ITCH: variants seen among roughly 807,000 people sequenced by gnomAD.
The protein encoded by ITCH is itchy E3 ubiquitin protein ligase.
In ITCH, 28 loss-of-function variants were observed where a neutral mutation model predicts 126.8. The observed-to-expected ratio is 0.22, with a 90% confidence interval of 0.16 to 0.30. The LOEUF is 0.30. Among genes scored for constraint, ITCH ranks in the 10% least tolerant of loss-of-function variants. The pLI is 1.00. For synonymous variants in ITCH, 342 were observed against 340.0 expected (o/e 1.01, Z -0.06); for missense variants, 631 against 1,032.4 (o/e 0.61, Z 5.33).
At chr20:34,409,924 G>A (rs1045796487) in intron 4 of ITCH, among the ~76,000 whole-genome samples, 3 of 152,008 alleles carry the variant, frequency 2.0e-5, no homozygotes, top group Non-Finnish European at 2.9e-5. Context: ...CAACTCTTTG[G>A]GAGACTGAGC....
In ITCH at chr20:34,507,824, A is replaced by G; in HGVS notation, c.*30A>G. 1 of 1,516,648 alleles carries G rather than the reference A, an allele frequency of 6.6e-7. No individual in the cohort carries two copies. The highest frequency in any genetic ancestry group is 1.4e-5 in the African/African-American group (1 of 73,098). The allele number at this position is 1,516,648 out of a possible 1,614,324, so 93.9% of individuals were successfully genotyped here. On this transcript the variant is annotated 3_prime_UTR_variant, in exon 25 of 25. Coordinates refer to ENST00000374864, the MANE Select transcript of ITCH (RefSeq NM_031483.7). ...TGAGAACTTGCACCATGAATGGGCA[A>G]GAACTTATTTGCAATGTTTGTCCTT...
intron 20 of ITCH, among the ~76,000 whole-genome samples, chr20:34,485,871 T>G (rs1299192489): frequency 1.3e-5 from 2 of 152,328 alleles, no homozygotes; most frequent in East Asian, 3.9e-4. Context: ...TTTTTATTTT[T>G]GTAGAGATGT....
intron 23 of ITCH, among the ~76,000 whole-genome samples, chr20:34,498,333 A>T (rs1450432461): frequency 1.3e-5 from 2 of 152,212 alleles, no homozygotes. Flanking sequence ...TCTTTCTCTT[A>T]TCTAATTGCT....
chr20:34,395,232 CAAAA>C (rs75300869), intron 3 of ITCH, among the ~76,000 whole-genome samples: 4 of 76,922 alleles, frequency 5.2e-5, no homozygotes, highest in East Asian at 3.7e-4. Flanking sequence ...GACTCCATCT[CAAAA>C]AAAAAAAAAA....
intron 20 of ITCH, among the ~76,000 whole-genome samples, chr20:34,483,715 C>G (rs1249931208): frequency 1.3e-5 from 2 of 152,288 alleles, no homozygotes; most frequent in African/African-American, 4.8e-5. Context: ...CCAAACTGTT[C>G]CAACGTCTGC....
At chr20:34,500,222 A>G (rs1010792384) in intron 23 of ITCH, among the ~76,000 whole-genome samples, 2 of 152,176 alleles carry the variant, frequency 1.3e-5, no homozygotes, top group East Asian at 1.9e-4. Context: ...TTTAAATCCA[A>G]TGTTTCTTTG....
At chr20:34,476,008 T>C (rs920841958) in intron 16 of ITCH, 12 of 1,599,050 alleles carry the variant, frequency 7.5e-6, no homozygotes, top group African/African-American at 1.3e-5. Flanking sequence ...CCATAGATTT[T>C]GTCAAACAGA....
At chr20:34,371,649 A>G (rs1276181411) in intron 2 of ITCH, among the ~76,000 whole-genome samples, 1 of 152,118 alleles carries the variant, frequency 6.6e-6, no homozygotes, top group African/African-American at 2.4e-5. Context: ...GCTACTATAA[A>G]GCAATTTAAA....
intron 3 of ITCH, among the ~76,000 whole-genome samples, chr20:34,401,283 TTTTC>T (rs1367632958): frequency 6.6e-6 from 1 of 152,180 alleles, no homozygotes; most frequent in African/African-American, 2.4e-5. Flanking sequence ...TGTCTTCTTT[TTTTC>T]TTTTTTTTGA....
At chr20:34,476,337 GCTCCGGCCCGGTC>G in intron 16 of ITCH, 1 of 1,274,972 alleles carries the variant, frequency 7.8e-7, no homozygotes, top group Non-Finnish European at 1.1e-6. Flanking sequence ...TCGCCTCCGC[GCTCCGGCCCGGTC>G]CCCGGCTCCT....
At chr20:34,396,898 A>G (rs1007644318) in intron 3 of ITCH, among the ~76,000 whole-genome samples, 2 of 152,084 alleles carry the variant, frequency 1.3e-5, no homozygotes, top group African/African-American at 4.8e-5. Context: ...TTAATATGCC[A>G]TCCAATATGT....
intron 22 of ITCH, 92 bp downstream of exon 22, chr20:34,490,018 T>C: frequency 1.2e-6 from 1 of 829,406 alleles, no homozygotes; most frequent in Non-Finnish European, 2.1e-6. Flanking sequence ...GGTCAAAATG[T>C]ACCAGTGTAT....
intron 13 of ITCH, among the ~76,000 whole-genome samples, chr20:34,459,588 C>T (rs1986324076): frequency 6.6e-6 from 1 of 152,156 alleles, no homozygotes; most frequent in Admixed American, 6.5e-5. Context: ...GGCCAGACCT[C>T]TCTTTTGGTA....
At chr20:34,366,093 A>G (rs2037411914) in intron 1 of ITCH, among the ~76,000 whole-genome samples, 1 of 152,106 alleles carries the variant, frequency 6.6e-6, no homozygotes, top group Non-Finnish European at 1.5e-5. Context: ...GGGGAAAGAG[A>G]AGGACAGGGT....
At chr20:34,442,975 CAAA>C (rs777882908) in intron 10 of ITCH, among the ~76,000 whole-genome samples, 3 of 102,854 alleles carry the variant, frequency 2.9e-5, no homozygotes, top group Non-Finnish European at 4.1e-5. Flanking sequence ...GACTCTGTCT[CAAA>C]AAAAAAAAAA....
At chr20:34,408,587 A>T in intron 3 of ITCH, 64 bp from the exon 4 acceptor site, 1 of 1,448,630 alleles carries the variant, frequency 6.9e-7, no homozygotes, top group South Asian at 1.2e-5. Context: ...TTATGAAGTT[A>T]AATTGATTTC....
At chr20:34,452,200 T>C (rs1028408249) in intron 12 of ITCH, among the ~76,000 whole-genome samples, 1 of 152,300 alleles carries the variant, frequency 6.6e-6, no homozygotes, top group East Asian at 1.9e-4. Flanking sequence ...TATAGAAAGC[T>C]GAATTGTGAG....
intron 11 of ITCH, among the ~76,000 whole-genome samples, chr20:34,446,416 T>G (rs1411139091): frequency 4.6e-5 from 7 of 152,164 alleles, no homozygotes; most frequent in Admixed American, 4.6e-4. Flanking sequence ...TGTCTATTCC[T>G]TATACCTCAT....
intron 10 of ITCH, 23 bp from the exon 11 acceptor site, chr20:34,445,264 T>C (rs1274077848): frequency 6.3e-7 from 1 of 1,585,336 alleles, no homozygotes; most frequent in Non-Finnish European, 8.6e-7. Context: ...TAGCTTGTTT[T>C]TTTTTTTTTT....
Sources: gnomAD v4.1 joint callset for allele counts (sites outside exome capture counted in the v4.1 genomes callset) on GRCh38, gnomAD v4.1.1 for gene constraint, MANE v1.5 for transcripts, NCBI Gene and HGNC (gene_info 2026-07-23, HGNC 2026-07-21) for gene names.